SEMA5B: variants seen among roughly 807,000 people sequenced by gnomAD.
The protein encoded by SEMA5B is semaphorin 5B, also known as semaphorin-5B.
In SEMA5B, 66 loss-of-function variants were observed where a neutral mutation model predicts 135.0. The observed-to-expected ratio is 0.49, with a 90% confidence interval of 0.40 to 0.60. SEMA5B has a LOEUF of 0.60. Ranked by LOEUF, SEMA5B falls within the 20% of genes least tolerant of loss-of-function variation. SEMA5B has a pLI of 0.00. For synonymous variants in SEMA5B, 690 were observed against 639.5 expected (o/e 1.08, Z -1.19); for missense variants, 1,501 against 1,566.3 (o/e 0.96, Z 0.70).
At chr3:123,009,027 G>A (rs1942378536) in intron 1 of SEMA5B, among the ~76,000 whole-genome samples, 1 of 152,224 alleles carries the variant, frequency 6.6e-6, no homozygotes, top group African/African-American at 2.4e-5. Flanking sequence ...AGAGCAGCCT[G>A]CTCCATCAAT....
intron 1 of SEMA5B, among the ~76,000 whole-genome samples, chr3:122,963,696 G>A (rs1417209114): frequency 2.6e-5 from 4 of 152,148 alleles, no homozygotes; most frequent in African/African-American, 9.7e-5. Flanking sequence ...GGGGCATCGG[G>A]AGGAGCAGAA....
rs35400509 is a variant in SEMA5B, at chr3:122,909,282, AGT to A, written c.*859_*860del. 9.3e-4 allele frequency: 137 copies of A among 148,082 alleles called. No homozygotes were observed. The highest frequency in any genetic ancestry group is 2.8e-3 in the African/African-American group (107 of 38,858). The allele number at this position is 148,082 out of a possible 1,614,324, so 9.2% of individuals were successfully genotyped here. On this transcript the variant is annotated 3_prime_UTR_variant, in exon 23 of 23. Coordinates refer to ENST00000357599, the MANE Select transcript of SEMA5B (RefSeq NM_001031702.4). ...AATTGTGATTGTGTGTGCGTGTGTG[AGT>A]GTGTGTGTGTGTGTGTTCCTGAACA...
intron 1 of SEMA5B, chr3:122,976,121 C>T: frequency 6.5e-7 from 1 of 1,535,360 alleles, no homozygotes; most frequent in Non-Finnish European, 8.7e-7. Context: ...ACAGATGCAG[C>T]ATGTGGTTTA....
chr3:123,026,733 C>G (rs1262059299), intron 1 of SEMA5B, among the ~76,000 whole-genome samples: 1 of 152,232 alleles, frequency 6.6e-6, no homozygotes, highest in Non-Finnish European at 1.5e-5. Context: ...ATGGGCAGCC[C>G]CAACCACAAA....
At chr3:122,924,124 A>C (rs1034908576) in intron 9 of SEMA5B, among the ~76,000 whole-genome samples, 1 of 152,170 alleles carries the variant, frequency 6.6e-6, no homozygotes, top group African/African-American at 2.4e-5. Flanking sequence ...TTATGAACTT[A>C]CCCTTACTAA....
At chr3:122,926,748 T>C in intron 8 of SEMA5B, 71 bp from the exon 9 acceptor site, 6 of 1,547,182 alleles carry the variant, frequency 3.9e-6, no homozygotes, top group South Asian at 3.6e-5. Flanking sequence ...TCGGGAGGAC[T>C]CAACTACTTC....
chr3:122,924,882 T>C (rs1938544495), intron 9 of SEMA5B, among the ~76,000 whole-genome samples: 1 of 152,192 alleles, frequency 6.6e-6, no homozygotes, highest in East Asian at 1.9e-4. Flanking sequence ...CCTTTCCCTT[T>C]GTAGCATTTC....
intron 5 of SEMA5B, among the ~76,000 whole-genome samples, chr3:122,934,785 G>A (rs545722546): frequency 1.3e-5 from 2 of 151,116 alleles, no homozygotes; most frequent in South Asian, 4.2e-4. Context: ...GGAGGCTGAG[G>A]CAGCAGGACA....
At position 123,008,553 on chromosome 3, in the gene SEMA5B, G is replaced by A. The variant is rs149926138; in HGVS notation, c.-39+18911C>T. Among the ~76,000 whole-genome samples, 138 of 152,288 alleles carry A rather than the reference G, an allele frequency of 9.1e-4. 1 individual carries two copies. Among genetic ancestry groups the A allele is most frequent in the Non-Finnish European group, 1.5e-3 (102 of 68,028 alleles). ...GAGAGGAGAGTGGAGGCAGAGGAGA[G>A]AGTGAGGACGAGGTGTGGAGGAGAG... On this transcript the variant is annotated intron_variant, in intron 1 of 22. Coordinates refer to ENST00000357599, the MANE Select transcript of SEMA5B (RefSeq NM_001031702.4).
intron 12 of SEMA5B, 146 bp downstream of exon 12, chr3:122,921,769 A>G (rs951299651): frequency 5.0e-6 from 3 of 595,442 alleles, no homozygotes; most frequent in Non-Finnish European, 8.4e-6. Context: ...GGAGAGAACC[A>G]AGGTTCAGCG....
At chr3:122,975,977 C>T in intron 1 of SEMA5B, 1 of 1,534,080 alleles carries the variant, frequency 6.5e-7, no homozygotes, top group Non-Finnish European at 8.7e-7. Context: ...TCTAGAAACT[C>T]TTCATGTCAT....
chr3:122,930,173 G>C (rs1225615971), intron 5 of SEMA5B, among the ~76,000 whole-genome samples: 1 of 152,244 alleles, frequency 6.6e-6, no homozygotes, highest in Non-Finnish European at 1.5e-5. Flanking sequence ...CGCAGTGTGG[G>C]AGGGGAGGCA....
chr3:123,013,266 G>T (rs1942477989), intron 1 of SEMA5B, among the ~76,000 whole-genome samples: 1 of 152,110 alleles, frequency 6.6e-6, no homozygotes, highest in Admixed American at 6.5e-5. Flanking sequence ...AACACATGCA[G>T]CTTTTAAAAC....
At chr3:123,009,689 C>T (rs1320607039) in intron 1 of SEMA5B, among the ~76,000 whole-genome samples, 1 of 152,198 alleles carries the variant, frequency 6.6e-6, no homozygotes. Context: ...GCAGGGGTTC[C>T]GGACCTCTGG....
rs758949734 is a variant in SEMA5B at position 122,928,980 on chromosome 3, C to T, written c.537+16G>A. 16 of 1,611,162 alleles carry T rather than the reference C, an allele frequency of 9.9e-6. No individual in the cohort carries two copies. In the African/African-American group the frequency reaches 1.2e-4, roughly 12 times the overall value. On this transcript the variant is annotated intron_variant, in intron 6 of 22. Transcript: ENST00000357599. ...CCAGCTCCAGGTGGGGCCCCTGGAC[C>T]GCCGAGACCACGTACCTCAGTCTTC...
At chr3:122,953,137 C>T (rs985528928) in intron 2 of SEMA5B, among the ~76,000 whole-genome samples, 1 of 152,172 alleles carries the variant, frequency 6.6e-6, no homozygotes, top group Non-Finnish European at 1.5e-5. Context: ...AGCTTTTTAG[C>T]CCTTAGCTGG....
chr3:122,911,234 T>C, intron 21 of SEMA5B, 189 bp from the exon 22 acceptor site: 1 of 1,106,028 alleles, frequency 9.0e-7, no homozygotes. Context: ...CAAGGTACCC[T>C]GTGGCTCAAG....
Position 122,948,546 on chromosome 3 carries a change from C to G in SEMA5B, c.288G>C (p.Gln96His). The change falls in exon 3 of 23, where the codon CAG (glutamine) becomes CAC (histidine). Residue 96 changes from glutamine (Q) to histidine (H), a missense_variant. Gln to His is a conservative substitution (Grantham distance 24). Coordinates refer to ENST00000357599, the MANE Select transcript of SEMA5B (RefSeq NM_001031702.4). ...DVSSEPSSEQ[Q>H]LCALSKHPTV... ...TGGGGTGCTTGCTAAGGGCGCACAG[C>G]TGCTGCTCACTGCTGGGCTCACTGG... The G allele has an allele frequency of 1.9e-6, 3 of 1,611,366 alleles. No individual in the cohort carries two copies. The highest frequency in any genetic ancestry group is 2.5e-6 in the Non-Finnish European group (3 of 1,178,058).
chr3:122,980,260 C>T (rs775160362), intron 1 of SEMA5B, among the ~76,000 whole-genome samples: 1 of 151,928 alleles, frequency 6.6e-6, no homozygotes, highest in African/African-American at 2.4e-5. Flanking sequence ...TGGGAGTTCG[C>T]GACCAGCCTG....
Sources: allele counts gnomAD v4.1 joint callset (sites outside exome capture counted in the v4.1 genomes callset), GRCh38; gene constraint gnomAD v4.1.1; transcripts MANE v1.5; gene names NCBI Gene and HGNC (gene_info 2026-07-23, HGNC 2026-07-21).